The following ZNF346 variants were observed in gnomAD, a reference collection of about 807,000 sequenced individuals.
The protein encoded by ZNF346 is zinc finger protein 346.
In ZNF346, 23 loss-of-function variants were observed where a neutral mutation model predicts 33.7. The observed-to-expected ratio is 0.68, with a 90% CI of 0.49 to 0.97. The LOEUF is 0.97. ZNF346 is among the 50% of genes least tolerant of loss of function. ZNF346 has a pLI of 0.00. For missense variants in ZNF346, 340 were observed against 371.1 expected, an observed-to-expected ratio of 0.92 and a Z score of 0.69; for synonymous variants, 134 against 142.4, an observed-to-expected ratio of 0.94 and a Z score of 0.42.
chr5:177,028,552 T>C (rs2149584743), intron 1 of ZNF346, among the ~76,000 whole-genome samples: 1 of 126,230 alleles, frequency 7.9e-6, no homozygotes, highest in Admixed American at 8.2e-5. Flanking sequence ...TCACAGCTTC[T>C]ATAACCCTTG....
intron 3 of ZNF346, 82 bp from the exon 4 acceptor site, chr5:177,044,307 C>T: frequency 6.5e-7 from 1 of 1,533,392 alleles, no homozygotes; most frequent in Admixed American, 1.8e-5. Flanking sequence ...AATGCCTGTT[C>T]TGTTATGGGC....
chr5:177,042,139 G>A, intron 3 of ZNF346: 1 of 315,488 alleles, frequency 3.2e-6, no homozygotes, highest in Non-Finnish European at 5.9e-6. Flanking sequence ...TAGGGACTCA[G>A]TAATGGAGCT....
chr5:177,023,289 C>A, intron 1 of ZNF346: 1 of 1,288,014 alleles, frequency 7.8e-7, no homozygotes, highest in South Asian at 1.3e-5. Context: ...GTCCCAATCT[C>A]CAGATTTCCT....
In ZNF346 at chr5:177,044,508, G is replaced by A; in HGVS notation, c.492G>A (p.Leu164=). ...AGACCCACGCAAAGAACTTAAAGCT[G>A]AAGCAGCAGTCCACTAAGGTGGAAG... is the stretch of plus-strand genomic sequence containing the variant. The part of the protein sequence containing the change: ...LGKTHAKNLK[L]KQQSTKVEAL... The change falls in exon 4 of 7, where the codon CTG becomes CTA. Residue 164 remains leucine (L), a synonymous_variant. Transcript: ENST00000358149. 1 of 1,613,904 alleles carries A rather than the reference G, an allele frequency of 6.2e-7. No homozygotes were observed. Among genetic ancestry groups the A allele is most frequent in the Non-Finnish European group, 8.5e-7 (1 of 1,180,000 alleles).
chr5:177,076,955 C>T (rs1002051216), intron 8 of ZNF346, among the ~76,000 whole-genome samples: 10 of 152,122 alleles, frequency 6.6e-5, no homozygotes, highest in African/African-American at 2.4e-4. Context: ...GCTGGAGAAT[C>T]GCTTGAACCC....
At chr5:177,032,305 T>TTTTTTG (rs200660562) in intron 1 of ZNF346, among the ~76,000 whole-genome samples, 42 of 151,486 alleles carry the variant, frequency 2.8e-4, no homozygotes, top group Non-Finnish European at 2.8e-4. Context: ...CACCCAGCCT[T>TTTTTTG]TTTTTGTTTT....
chr5:177,036,815 C>T (rs1778579173), intron 1 of ZNF346, among the ~76,000 whole-genome samples: 2 of 152,268 alleles, frequency 1.3e-5, no homozygotes, highest in Admixed American at 6.5e-5. Context: ...AGAGTTTCTA[C>T]ACCGATTGCA....
chr5:177,057,252 C>G (rs1781815165), intron 5 of ZNF346, among the ~76,000 whole-genome samples: 1 of 151,890 alleles, frequency 6.6e-6, no homozygotes, highest in African/African-American at 2.4e-5. Context: ...TGAGATCGCA[C>G]TATTGCACTA....
chr5:177,063,470 T>C (rs76109962), intron 6 of ZNF346, among the ~76,000 whole-genome samples: 1 of 152,308 alleles, frequency 6.6e-6, no homozygotes, highest in African/African-American at 2.4e-5. Flanking sequence ...TTTGGGGGAC[T>C]CTTAGGTGTA....
At chr5:177,035,317 C>T (rs767848443) in intron 1 of ZNF346, among the ~76,000 whole-genome samples, 5 of 152,130 alleles carry the variant, frequency 3.3e-5, no homozygotes, top group Non-Finnish European at 7.3e-5. Context: ...CGCCCTGCCT[C>T]TCCAGTGAAT....
chr5:177,041,265 C>A, intron 2 of ZNF346, 36 bp downstream of exon 2: 1 of 1,540,062 alleles, frequency 6.5e-7, no homozygotes, highest in Non-Finnish European at 9.0e-7. Context: ...CGTTTCTTTT[C>A]AGACCTGGTG....
chr5:177,038,252 C>T (rs1340180241), intron 1 of ZNF346, among the ~76,000 whole-genome samples: 1 of 126,230 alleles, frequency 7.9e-6, no homozygotes, highest in East Asian at 2.4e-4. Flanking sequence ...CCATGCCCAA[C>T]TACGTTTTTT....
chr5:177,025,444 A>G (rs985258323), intron 1 of ZNF346, among the ~76,000 whole-genome samples: 2 of 151,292 alleles, frequency 1.3e-5, no homozygotes, highest in South Asian at 2.1e-4. Context: ...GCTGGGTCAT[A>G]TCGTAACTCT....
At chr5:177,039,639 G>A (rs1779076661) in intron 1 of ZNF346, among the ~76,000 whole-genome samples, 2 of 151,996 alleles carry the variant, frequency 1.3e-5, no homozygotes, top group Non-Finnish European at 2.9e-5. Flanking sequence ...TTTTTGGTTT[G>A]TTGGTGTGTT....
chr5:177,042,609 C>T (rs1779482601), intron 3 of ZNF346, among the ~76,000 whole-genome samples: 1 of 152,198 alleles, frequency 6.6e-6, no homozygotes, highest in African/African-American at 2.4e-5. Context: ...ACTGCTACCT[C>T]CTATTATAGT....
chr5:177,041,034 C>G (rs754718110), intron 1 of ZNF346, 92 bp from the exon 2 acceptor site: 1 of 949,590 alleles, frequency 1.1e-6, no homozygotes, highest in Non-Finnish European at 1.7e-6. Flanking sequence ...GGCATCCCAT[C>G]ATTCAGTGCC....
chr5:177,024,206 T>TTTC (rs1192611481), intron 1 of ZNF346, among the ~76,000 whole-genome samples: 2 of 135,364 alleles, frequency 1.5e-5, no homozygotes, highest in East Asian at 4.2e-4. Context: ...TCTCCTTTTT[T>TTTC]TTTTTTTTTT....
chr5:177,064,482 C>T (rs13356229), intron 6 of ZNF346, 30 bp from the exon 7 acceptor site: 1 of 1,574,066 alleles, frequency 6.4e-7, no homozygotes, highest in Non-Finnish European at 8.7e-7. Context: ...CACACACTGA[C>T]CCTCTTCCTT....
At chr5:177,071,418 G>T (rs1783493498), downstream of ZNF346, among the ~76,000 whole-genome samples, 1 of 151,738 alleles carries the variant, frequency 6.6e-6, no homozygotes, top group African/African-American at 2.4e-5. Context: ...CAGGCGCGGT[G>T]GCTCACGCCT....
Sources: gnomAD v4.1 joint callset for allele counts (sites outside exome capture counted in the v4.1 genomes callset) on GRCh38, gnomAD v4.1.1 for gene constraint, MANE v1.5 for transcripts, NCBI Gene and HGNC (gene_info 2026-07-23, HGNC 2026-07-21) for gene names.